Variants in ADGRV1 observed in about 807,000 individuals in gnomAD.
ADGRV1 encodes G-protein coupled receptor 98.
A neutral mutation model predicts 596.2 loss-of-function variants in ADGRV1; 359 were observed. The ratio of observed to expected loss-of-function variants is 0.60; its 90% confidence interval spans 0.55 to 0.66. The LOEUF (loss-of-function observed/expected upper bound fraction) is 0.66, where lower values mean the gene tolerates loss of function less well. Among genes scored for constraint, ADGRV1 ranks in the 30% least tolerant of loss-of-function variants. ADGRV1 has a pLI of 0.00. For missense variants in ADGRV1, 7,274 were observed against 7,575.6 expected (o/e 0.96, Z 1.48); for synonymous variants, 2,681 against 2,679.2 (o/e 1.00, Z -0.02).
chr5:90,819,012 C>G (rs1763201999), intron 75 of ADGRV1, among the ~76,000 whole-genome samples: 1 of 152,074 alleles, frequency 6.6e-6, no homozygotes, highest in African/African-American at 2.4e-5. Flanking sequence ...CCTTGTACCT[C>G]TGGTAGAAAT....
chr5:90,645,384 C>T (rs946617856), intron 15 of ADGRV1, among the ~76,000 whole-genome samples: 6 of 152,102 alleles, frequency 3.9e-5, no homozygotes, highest in African/African-American at 1.2e-4. Flanking sequence ...ATTCGAATAC[C>T]TTTCTGTTTT....
chr5:90,763,743 G>A (rs1162522048), intron 59 of ADGRV1, among the ~76,000 whole-genome samples: 1 of 152,122 alleles, frequency 6.6e-6, no homozygotes. Context: ...TGTATCCATT[G>A]TCTGGCTCCT....
chr5:90,832,391 G>T (rs933323438), intron 77 of ADGRV1, among the ~76,000 whole-genome samples: 2 of 152,050 alleles, frequency 1.3e-5, no homozygotes, highest in Non-Finnish European at 2.9e-5. Flanking sequence ...TTTACCATTT[G>T]TATGTCTTCT....
chr5:91,078,834 G>T (rs1789078402), intron 86 of ADGRV1, among the ~76,000 whole-genome samples: 1 of 152,212 alleles, frequency 6.6e-6, no homozygotes, highest in African/African-American at 2.4e-5. Flanking sequence ...AGAATTGGGA[G>T]AAATAGTACA....
intron 85 of ADGRV1, among the ~76,000 whole-genome samples, chr5:91,009,330 G>C (rs1395913050): frequency 1.3e-5 from 2 of 152,086 alleles, no homozygotes; most frequent in Admixed American, 6.6e-5. Flanking sequence ...AACTCTTATA[G>C]ACTCATTATT....
rs762362097 is a variant in ADGRV1 at position 90,791,063 on chromosome 5, T to C, written c.14234T>C (p.Leu4745Pro). 6 of 1,613,862 alleles carry C rather than the reference T, an allele frequency of 3.7e-6. No individual in the cohort carries two copies. The African/African-American group carries it at 8.0e-5, about 22-fold the overall frequency. ...VSVEGGAELD[L>P]EKSITWFSVY... Reference sequence around the variant, plus strand: ...GTAGAGGGAGGAGCCGAACTGGATCTGGAGAAGAGTATCACATGGTTCTCT... The same window carrying C: ...GTAGAGGGAGGAGCCGAACTGGATCCGGAGAAGAGTATCACATGGTTCTCT... Residue 4745 changes from leucine (L) to proline (P), a missense_variant, in exon 70 of 90, where the codon CTG (leucine) becomes CCG (proline). By Grantham distance (98) the Leu-to-Pro change is moderately conservative (BLOSUM62 -3). Transcript: ENST00000405460.
At chr5:91,045,771 A>G (rs1785749623) in intron 85 of ADGRV1, among the ~76,000 whole-genome samples, 1 of 152,040 alleles carries the variant, frequency 6.6e-6, no homozygotes, top group African/African-American at 2.4e-5. Flanking sequence ...TACCTAGAAA[A>G]CCCTAAAGAC....
intron 83 of ADGRV1, among the ~76,000 whole-genome samples, chr5:90,906,666 A>G (rs1303564935): frequency 6.6e-6 from 1 of 151,700 alleles, no homozygotes; most frequent in African/African-American, 2.4e-5. Context: ...ATTATGTTTA[A>G]CTTTTCGAAT....
intron 53 of ADGRV1, among the ~76,000 whole-genome samples, chr5:90,751,511 G>A (rs1408808234): frequency 3.9e-5 from 6 of 152,096 alleles, no homozygotes; most frequent in African/African-American, 1.4e-4. Flanking sequence ...TCTATTACTG[G>A]AGAATAGTAT....
At chr5:90,740,869 G>A (rs1753875966) in intron 50 of ADGRV1, among the ~76,000 whole-genome samples, 1 of 152,148 alleles carries the variant, frequency 6.6e-6, no homozygotes, top group Non-Finnish European at 1.5e-5. Context: ...TGGCTTGGGG[G>A]AGGGGCAACA....
chr5:90,599,287 T>C (rs1485707347), intron 1 of ADGRV1, among the ~76,000 whole-genome samples: 1 of 152,196 alleles, frequency 6.6e-6, no homozygotes, highest in Non-Finnish European at 1.5e-5. Flanking sequence ...TAAAAAATTT[T>C]ACAAAATGTT....
At position 91,121,057 on chromosome 5, in the gene ADGRV1, C is replaced by T. The variant is rs138370368; in HGVS notation, c.18432+18717C>T. Among the ~76,000 whole-genome samples, 666 of 152,118 alleles carry T rather than the reference C, an allele frequency of 4.4e-3. 2 individuals carry two copies. Among genetic ancestry groups the T allele is most frequent in the African/African-American group, 0.012 (511 of 41,470 alleles). On this transcript the variant is annotated intron_variant, in intron 87 of 89. Transcript: ENST00000405460. ...GGCATGGTAGCAGACACCTGTAATC[C>T]CAGCTACTCGGGAGGCTGAGGTAGG...
rs369528456 is a variant in ADGRV1, at chr5:91,163,885, C to T, written c.18906C>T (p.Ala6302=). The change falls in exon 90 of 90, where the codon GCC becomes GCT. Residue 6302 remains alanine (A), a synonymous_variant. Coordinates refer to ENST00000405460, the MANE Select transcript of ADGRV1 (RefSeq NM_032119.4). ...TGGAGCTCAGGAGGATACCCATCGCCGACACTCACCTGTAGCACCTCACTA... is the reference window on the plus strand; with the variant it reads ...TGGAGCTCAGGAGGATACCCATCGCTGACACTCACCTGTAGCACCTCACTA... The part of the protein sequence containing the change: ...QIVELRRIPI[A]DTHL 1.3e-4 allele frequency: 203 copies of T among 1,544,114 alleles called. No individual in the cohort carries two copies. Among genetic ancestry groups the T allele is most frequent in the Non-Finnish European group, 1.7e-4 (187 of 1,119,042 alleles).
intron 83 of ADGRV1, among the ~76,000 whole-genome samples, chr5:90,952,129 T>C (rs79601523): frequency 0.017 from 2,592 of 152,304 alleles, 69 homozygotes; most frequent in African/African-American, 0.058. Flanking sequence ...CATTGTACTT[T>C]TAAAATTCTT....
At chr5:91,054,704 G>A (rs566520625) in intron 85 of ADGRV1, among the ~76,000 whole-genome samples, 1 of 152,222 alleles carries the variant, frequency 6.6e-6, no homozygotes, top group East Asian at 1.9e-4. Flanking sequence ...ATTCATAAGG[G>A]CTCTGCTCTC....
intron 70 of ADGRV1, among the ~76,000 whole-genome samples, chr5:90,799,500 T>G (rs1251914354): frequency 6.6e-6 from 1 of 152,208 alleles, no homozygotes; most frequent in African/African-American, 2.4e-5. Context: ...ATGGCCATAC[T>G]GCCCAAAGTA....
At chr5:90,936,487 A>G (rs115119722) in intron 83 of ADGRV1, among the ~76,000 whole-genome samples, 1,948 of 151,976 alleles carry the variant, frequency 0.013, 49 homozygotes, top group African/African-American at 0.044. Flanking sequence ...AGTTTTATCT[A>G]TTTTATTGAT....
chr5:90,616,874 C>T (rs992924285), intron 2 of ADGRV1, among the ~76,000 whole-genome samples: 13 of 152,138 alleles, frequency 8.5e-5, no homozygotes, highest in Admixed American at 2.0e-4. Flanking sequence ...ACTCCTTAAC[C>T]AACTTATCTT....
intron 69 of ADGRV1, 80 bp from the exon 70 acceptor site, chr5:90,790,793 A>G: frequency 1.1e-6 from 1 of 900,560 alleles, no homozygotes; most frequent in Admixed American, 2.6e-5. Flanking sequence ...TGTATATTAT[A>G]GAGAAAAACA....
Sources: gnomAD v4.1 joint callset for allele counts (sites outside exome capture counted in the v4.1 genomes callset) on GRCh38, gnomAD v4.1.1 for gene constraint, MANE v1.5 for transcripts, NCBI Gene and HGNC (gene_info 2026-07-23, HGNC 2026-07-21) for gene names.